ABHD2: variants seen among roughly 807,000 people sequenced by gnomAD.
ABHD2 encodes the protein monoacylglycerol lipase ABHD2.
In ABHD2, 20 loss-of-function variants were observed where a neutral mutation model predicts 48.1. The observed-to-expected ratio is 0.42, with a 90% CI of 0.29 to 0.60. ABHD2 has a LOEUF of 0.60. ABHD2 is among the 20% of genes least tolerant of loss of function. The pLI, the probability that ABHD2 is intolerant of heterozygous loss-of-function variation, is 0.24. For synonymous variants in ABHD2, 209 were observed against 214.2 expected, an observed-to-expected ratio of 0.98 and a Z score of 0.21; for missense variants, 405 against 550.9, an observed-to-expected ratio of 0.74 and a Z score of 2.65.
chr15:89,150,109 T>G (rs542706467), intron 3 of ABHD2, among the ~76,000 whole-genome samples: 1 of 152,378 alleles, frequency 6.6e-6, no homozygotes, highest in African/African-American at 2.4e-5. Context: ...TTTCTGAGAT[T>G]ATATTGTATT....
At chr15:89,148,086 T>C (rs1425275351) in intron 3 of ABHD2, among the ~76,000 whole-genome samples, 2 of 121,354 alleles carry the variant, frequency 1.6e-5, no homozygotes, top group Non-Finnish European at 1.6e-5. Context: ...TCCACTGCAC[T>C]CCAGCCTAGG....
rs2050866470 is a variant in ABHD2, at chr15:89,168,228, T to A, written c.539-7584T>A. On this transcript the variant is annotated intron_variant, in intron 5 of 10. Coordinates refer to ENST00000352732, the MANE Select transcript of ABHD2 (RefSeq NM_152924.5). This position sits in a 1 kb window ranked among gnomAD's most constrained non-coding sequence, Gnocchi z 4.8. Reference sequence around the variant, plus strand: ...AGGGGTCTTTTCTGTTCCCAGCAAGTTGCCTTTCCAAAATGGCCGTGCAAT... The same window carrying A: ...AGGGGTCTTTTCTGTTCCCAGCAAGATGCCTTTCCAAAATGGCCGTGCAAT... Among the ~76,000 whole-genome samples the A allele has an allele frequency of 2.0e-5, 3 of 152,228 alleles. No homozygotes were observed. The highest frequency in any genetic ancestry group is 6.5e-5 in the Admixed American group (1 of 15,282).
intron 5 of ABHD2, among the ~76,000 whole-genome samples, chr15:89,159,423 C>T (rs113047926): frequency 0.018 from 2,721 of 152,182 alleles, 68 homozygotes; most frequent in African/African-American, 0.061. Context: ...ACTAACACAG[C>T]GGGCCTGGTG....
At position 89,195,231 on chromosome 15, in the gene ABHD2, A is replaced by G; in HGVS notation, c.1086A>G (p.Lys362=). Residue 362 remains lysine, a synonymous_variant, in exon 11 of 11, where the codon AAA becomes AAG. Transcript: ENST00000352732. The surrounding 1 kb of genome is among the most constrained non-coding windows in gnomAD (Gnocchi z 5.1). ...LLTIPKSLSE[K]RENVMFVLPL... is the part of the protein sequence containing the mutation. ...TCAGCTGCGTTTCCCCTGCAGAGAA[A>G]CGAGAGAACGTCATGTTTGTGCTGC... 3 of 1,613,238 alleles carry G rather than the reference A, an allele frequency of 1.9e-6. No individual in the cohort carries two copies. The highest frequency in any genetic ancestry group is 2.5e-6 in the Non-Finnish European group (3 of 1,179,394).
chr15:89,131,301 C>T (rs1167814833), intron 3 of ABHD2, among the ~76,000 whole-genome samples: 1 of 152,246 alleles, frequency 6.6e-6, no homozygotes, highest in Non-Finnish European at 1.5e-5. Flanking sequence ...CTATGTCTTA[C>T]ATTTGCAATG....
At chr15:89,128,736 C>T (rs1022043051) in intron 3 of ABHD2, among the ~76,000 whole-genome samples, 4 of 152,108 alleles carry the variant, frequency 2.6e-5, no homozygotes, top group Non-Finnish European at 2.9e-5. Flanking sequence ...CCCTATGCCA[C>T]GATCTGGTGA....
At chr15:89,065,485 T>C in the ABHD2 span, among the ~76,000 whole-genome samples, 6 of 152,226 alleles carry the variant, frequency 3.9e-5, 1 homozygote, top group East Asian at 1.2e-3. Context: ...TTGTTTCTTT[T>C]CCTGACAGTC....
intron 3 of ABHD2, among the ~76,000 whole-genome samples, chr15:89,149,297 A>G (rs2150883384): frequency 6.6e-6 from 1 of 152,304 alleles, no homozygotes; most frequent in Non-Finnish European, 1.5e-5. Flanking sequence ...GGTAGGCTGG[A>G]AAGAGGACAG....
rs926974942 is a variant in ABHD2, at chr15:89,151,596, T to C, written c.195-81T>C. The stretch of plus-strand genomic sequence containing the variant: ...GAATTTCCCTGGAACAAAAATAGGT[T>C]GAAAGAGTTTTGCTAAAAGATTTTT... On this transcript the variant is annotated intron_variant, in intron 3 of 10. Coordinates refer to ENST00000352732, the MANE Select transcript of ABHD2 (RefSeq NM_152924.5). This position sits in a 1 kb window ranked among gnomAD's most constrained non-coding sequence, Gnocchi z 4.7. The C allele has an allele frequency of 1.4e-6, 2 of 1,480,714 alleles. No individual in the cohort carries two copies. Among genetic ancestry groups the C allele is most frequent in the African/African-American group, 2.8e-5 (2 of 71,250 alleles). The allele number at this position is 1,480,714 out of a possible 1,614,324, so 91.7% of individuals were successfully genotyped here.
chr15:89,191,195 C>T (rs71405637), intron 9 of ABHD2, 46 bp downstream of exon 9: 43 of 1,591,622 alleles, frequency 2.7e-5, no homozygotes, highest in East Asian at 1.6e-4. Flanking sequence ...TCCACCCAGC[C>T]TCGCACACAA....
At chr15:89,058,571 TCTGGGCC>T in the ABHD2 span, among the ~76,000 whole-genome samples, 1 of 152,086 alleles carries the variant, frequency 6.6e-6, no homozygotes, top group African/African-American at 2.4e-5. Flanking sequence ...CTTCTCCTGC[TCTGGGCC>T]CAGGGGATGG....
chr15:89,046,558 A>G, the ABHD2 span, among the ~76,000 whole-genome samples: 1 of 151,978 alleles, frequency 6.6e-6, no homozygotes, highest in Non-Finnish European at 1.5e-5. Context: ...GCTATTGATT[A>G]TTGCCACAAT....
chr15:89,169,006 G>C (rs1052156671), intron 5 of ABHD2, among the ~76,000 whole-genome samples: 3 of 152,124 alleles, frequency 2.0e-5, no homozygotes, highest in Non-Finnish European at 4.4e-5. Context: ...GTGGAAGGAC[G>C]TCTTGAGCTT....
chr15:89,149,060 A>G (rs756581489), intron 3 of ABHD2, among the ~76,000 whole-genome samples: 1 of 152,188 alleles, frequency 6.6e-6, no homozygotes, highest in African/African-American at 2.4e-5. Flanking sequence ...CAATTTTGTA[A>G]ACCCTGGTGT....
At position 89,126,587 on chromosome 15, in the gene ABHD2, T is replaced by C. The variant is rs546536749; in HGVS notation, c.194+10066T>C. Among the ~76,000 whole-genome samples the C allele has an allele frequency of 2.6e-5, 4 of 152,350 alleles. No homozygotes were observed. In the East Asian group the frequency reaches 7.7e-4, roughly 29 times the overall value. ...TGCTTCTCAGCATGCCCTCCTTCACTATGATAGTACACTTTGTACTACAAA... is the reference window on the plus strand; with the variant it reads ...TGCTTCTCAGCATGCCCTCCTTCACCATGATAGTACACTTTGTACTACAAA... On this transcript the variant is annotated intron_variant, in intron 3 of 10. Transcript: ENST00000352732.
rs191935850 is a variant in ABHD2 at position 89,099,561 on chromosome 15, T to C, written c.-107+10998T>C. Among the ~76,000 whole-genome samples, 30 of 152,234 alleles carry C rather than the reference T, an allele frequency of 2.0e-4. No homozygotes were observed. In the East Asian group the frequency reaches 4.6e-3, roughly 24 times the overall value. The stretch of plus-strand genomic sequence containing the variant: ...CCAGGAGTTCAGAGTTGCAGTGAGC[T>C]ATGATTGCACCACTGCACTCCAGCC... On this transcript the variant is annotated intron_variant, in intron 1 of 10. Coordinates refer to ENST00000352732, the MANE Select transcript of ABHD2 (RefSeq NM_152924.5).
chr15:89,136,215 C>G (rs1438194093), intron 3 of ABHD2: 1 of 293,840 alleles, frequency 3.4e-6, no homozygotes, highest in Non-Finnish European at 6.8e-6. Flanking sequence ...AGGCGTGAGC[C>G]ACCACACCCA....
In ABHD2 at chr15:89,106,671, T is replaced by C. The variant is rs887678939; in HGVS notation, c.-106-7054T>C. Among the ~76,000 whole-genome samples, 2 of 152,116 alleles carry C rather than the reference T, an allele frequency of 1.3e-5. No homozygotes were observed. Among genetic ancestry groups the C allele is most frequent in the African/African-American group, 4.8e-5 (2 of 41,428 alleles). On this transcript the variant is annotated intron_variant, in intron 1 of 10. Transcript: ENST00000352732. This position sits in a 1 kb window ranked among gnomAD's most constrained non-coding sequence, Gnocchi z 4.2. ...CCCCCTATGATGGCTCTGACTAATTTAGTTAAATGGCAGATAAAGTGGGGA... is the reference window on the plus strand; with the variant it reads ...CCCCCTATGATGGCTCTGACTAATTCAGTTAAATGGCAGATAAAGTGGGGA...
intron 6 of ABHD2, among the ~76,000 whole-genome samples, chr15:89,183,108 T>A (rs1426773012): frequency 6.6e-6 from 1 of 152,058 alleles, no homozygotes; most frequent in Non-Finnish European, 1.5e-5. Flanking sequence ...ACAAATACCA[T>A]CATCACCCAA....
Sources: allele counts gnomAD v4.1 joint callset (sites outside exome capture counted in the v4.1 genomes callset), GRCh38; gene constraint gnomAD v4.1.1; non-coding constraint Gnocchi (gnomAD v3.1); transcripts MANE v1.5; gene names NCBI Gene and HGNC (gene_info 2026-07-23, HGNC 2026-07-21).